Variants in TNFRSF8 observed in about 807,000 individuals in gnomAD.
TNFRSF8 encodes tumor necrosis factor receptor superfamily member 8.
Under a neutral mutation model 70.8 loss-of-function variants are expected in TNFRSF8, and 26 were observed. The observed-to-expected ratio is 0.37, with a 90% confidence interval of 0.27 to 0.51. The LOEUF (loss-of-function observed/expected upper bound fraction) is 0.51. Ranked by LOEUF, TNFRSF8 falls within the 20% of genes least tolerant of loss-of-function variation. The pLI is 0.94. For synonymous variants in TNFRSF8, 356 were observed against 339.2 expected, an observed-to-expected ratio of 1.05 and a Z score of -0.54; for missense variants, 720 against 807.9, an observed-to-expected ratio of 0.89 and a Z score of 1.32.
Position 12,141,457 on chromosome 1 carries a change from C to T in TNFRSF8, c.1544-830C>T, listed in dbSNP as rs1157215453. ...CAGACTGTGGCGAGGACCGGCCCTC[C>T]GTCCAAGCTCCCACCATGTGCTCAC... On this transcript the variant is annotated intron_variant, in intron 14 of 14. Transcript: ENST00000263932. This position sits in a 1 kb window ranked among gnomAD's most constrained non-coding sequence, Gnocchi z 5.4. 6.6e-6 allele frequency among the ~76,000 whole-genome samples: 1 copy of T among 152,260 alleles called. No individual in the cohort carries two copies. The highest frequency in any genetic ancestry group is 1.9e-4 in the East Asian group (1 of 5,202).
chr1:12,082,112 C>T (rs775236822), intron 1 of TNFRSF8, among the ~76,000 whole-genome samples: 5 of 152,284 alleles, frequency 3.3e-5, no homozygotes, highest in East Asian at 1.9e-4. Flanking sequence ...AGTGCAATGG[C>T]GTTCCCCTGT....
In TNFRSF8 at chr1:12,138,488, A is replaced by C. The variant is rs1642193647; in HGVS notation, c.1543+52A>C. The C allele has an allele frequency of 1.3e-6, 2 of 1,539,996 alleles. No homozygotes were observed. Among genetic ancestry groups the C allele is most frequent in the Admixed American group, 3.8e-5 (2 of 53,254 alleles). On this transcript the variant is annotated intron_variant, in intron 14 of 14. Transcript: ENST00000263932. This position sits in a 1 kb window ranked among gnomAD's most constrained non-coding sequence, Gnocchi z 5.7. The stretch of plus-strand genomic sequence containing the variant: ...CCTGCAGCCCAGGGGCAGATGGGAG[A>C]TGAATACGGGGCCCTGGGCCCTGGA...
intron 12 of TNFRSF8, among the ~76,000 whole-genome samples, chr1:12,130,016 T>TG (rs1642019433): frequency 6.6e-6 from 1 of 152,176 alleles, no homozygotes; most frequent in Non-Finnish European, 1.5e-5. Context: ...GCAATTCTCC[T>TG]GCTTCAGCCT....
At chr1:12,081,604 A>C (rs1641064158) in intron 1 of TNFRSF8, among the ~76,000 whole-genome samples, 1 of 152,072 alleles carries the variant, frequency 6.6e-6, no homozygotes, top group Non-Finnish European at 1.5e-5. Context: ...TATTGGGCAA[A>C]TATCACGTTC....
chr1:12,134,242 C>T (rs559717712), intron 12 of TNFRSF8, among the ~76,000 whole-genome samples: 9 of 152,134 alleles, frequency 5.9e-5, no homozygotes, highest in Admixed American at 1.3e-4. Flanking sequence ...GGCTGACATA[C>T]GGGCATCTTG....
At chr1:12,114,973 C>A (rs1277752467) in intron 7 of TNFRSF8, among the ~76,000 whole-genome samples, 1 of 151,988 alleles carries the variant, frequency 6.6e-6, no homozygotes, top group Non-Finnish European at 1.5e-5. Flanking sequence ...TCCCAAAGTG[C>A]CGGGATTACA....
intron 3 of TNFRSF8, among the ~76,000 whole-genome samples, chr1:12,103,467 A>G (rs1319686723): frequency 6.6e-6 from 1 of 152,012 alleles, no homozygotes; most frequent in African/African-American, 2.4e-5. Context: ...AATCTCCCAC[A>G]GTTTCCCCTA....
chr1:12,142,939 C>A lies in TNFRSF8; in HGVS notation c.*408C>A. On this transcript the variant is annotated 3_prime_UTR_variant, in exon 15 of 15. Coordinates refer to ENST00000263932, the MANE Select transcript of TNFRSF8 (RefSeq NM_001243.5). This position sits in a 1 kb window ranked among gnomAD's most constrained non-coding sequence, Gnocchi z 5.0. ...GGCCAGCTCCCGGGGCCCCTGTAACCCTACTCTCCTCTCTCCCTGGACCTC... is the reference window on the plus strand; with the variant it reads ...GGCCAGCTCCCGGGGCCCCTGTAACACTACTCTCCTCTCTCCCTGGACCTC... 2 of 175,862 alleles carry A rather than the reference C, an allele frequency of 1.1e-5. No homozygotes were observed. The highest frequency in any genetic ancestry group is 1.4e-4 in the South Asian group (1 of 7,316). The allele number at this position is 175,862 out of a possible 1,614,324, so 10.9% of individuals were successfully genotyped here. A position where few individuals can be genotyped will look rare whatever the true frequency, so the allele number is the denominator to read the frequency against.
In TNFRSF8 at chr1:12,115,689, C is replaced by G. The variant is rs889880271; in HGVS notation, c.906C>G (p.Pro302=). The G allele has an allele frequency of 1.2e-6, 2 of 1,614,072 alleles. No homozygotes were observed. The highest frequency in any genetic ancestry group is 2.7e-5 in the African/African-American group (2 of 74,926). ...CCAACTCCTGTGCCCGCTGTGTCCC[C>G]TACCCAATCTGTGCAGCAGAGACGG... The part of the protein sequence containing the change: ...SATNSCARCV[P]YPICAAETVT... Residue 302 remains proline, a synonymous_variant, in exon 8 of 15, where the codon CCC becomes CCG. Coordinates refer to ENST00000263932, the MANE Select transcript of TNFRSF8 (RefSeq NM_001243.5).
At chr1:12,135,194 T>G (rs894985474) in intron 12 of TNFRSF8, among the ~76,000 whole-genome samples, 3 of 151,424 alleles carry the variant, frequency 2.0e-5, no homozygotes, top group Non-Finnish European at 4.4e-5. Context: ...CACGAGCCTA[T>G]AATCCCAGCT....
At chr1:12,083,131 T>C (rs904770372) in intron 1 of TNFRSF8, among the ~76,000 whole-genome samples, 19 of 152,116 alleles carry the variant, frequency 1.2e-4, no homozygotes, top group African/African-American at 4.6e-4. Flanking sequence ...TCCAACAAGA[T>C]GGCTAAACTT....
intron 2 of TNFRSF8, among the ~76,000 whole-genome samples, chr1:12,091,623 T>C (rs1358483707): frequency 6.6e-6 from 1 of 151,976 alleles, no homozygotes; most frequent in East Asian, 1.9e-4. Flanking sequence ...TCTGGCTGGG[T>C]GTGAAGGGTT....
chr1:12,071,457 A>G (rs1640844238), intron 1 of TNFRSF8, among the ~76,000 whole-genome samples: 1 of 152,192 alleles, frequency 6.6e-6, no homozygotes, highest in African/African-American at 2.4e-5. Flanking sequence ...AAAAAAGTCT[A>G]TGATAAGGCA....
At chr1:12,118,636 A>G (rs1376259326) in intron 8 of TNFRSF8, among the ~76,000 whole-genome samples, 1 of 152,176 alleles carries the variant, frequency 6.6e-6, no homozygotes, top group Non-Finnish European at 1.5e-5. Context: ...GAAAAGGAAC[A>G]ATATGGGATC....
In TNFRSF8 at chr1:12,084,483, C is replaced by A. The variant is rs749236080; in HGVS notation, c.83C>A (p.Thr28Asn). 6.2e-7 allele frequency: 1 copy of A among 1,614,052 alleles called. No homozygotes were observed. The highest frequency in any genetic ancestry group is 8.5e-7 in the Non-Finnish European group (1 of 1,179,990). Residue 28 changes from threonine (T) to asparagine (N), a missense_variant, in exon 2 of 15, where the codon ACC (threonine) becomes AAC (asparagine). Coordinates refer to ENST00000263932, the MANE Select transcript of TNFRSF8 (RefSeq NM_001243.5). ...TGCCAGGATCGACCCTTCGAGGACA[C>A]CTGTCATGGAAACCCCAGCCACTAC... ...AFPQDRPFED[T>N]CHGNPSHYYD...
At chr1:12,081,460 T>C (rs1641061304) in intron 1 of TNFRSF8, among the ~76,000 whole-genome samples, 1 of 151,826 alleles carries the variant, frequency 6.6e-6, no homozygotes, top group Non-Finnish European at 1.5e-5. Context: ...CCTGCCCCCC[T>C]GGAGAGGCTC....
chr1:12,068,005 C>T (rs1250151768), intron 1 of TNFRSF8, among the ~76,000 whole-genome samples: 1 of 151,800 alleles, frequency 6.6e-6, no homozygotes, highest in African/African-American at 2.4e-5. Context: ...GCTCTGGGGT[C>T]AGGGAGTCGT....
chr1:12,142,663 C>G lies in TNFRSF8; in HGVS notation c.*132C>G. 4.8e-6 allele frequency: 6 copies of G among 1,252,160 alleles called. No individual in the cohort carries two copies. Among genetic ancestry groups the G allele is most frequent in the Non-Finnish European group, 6.5e-6 (6 of 925,896 alleles). The allele number at this position is 1,252,160 out of a possible 1,614,324, so 77.6% of individuals were successfully genotyped here. On this transcript the variant is annotated 3_prime_UTR_variant, in exon 15 of 15. Transcript: ENST00000263932. This position sits in a 1 kb window ranked among gnomAD's most constrained non-coding sequence, Gnocchi z 5.0. ...GAGGCTCCAGCATCTAGTGGTGGAC[C>G]GGCCGGTCACTGCAGGGGTCTGGTG...
At chr1:12,081,985 C>T (rs530820824) in intron 1 of TNFRSF8, among the ~76,000 whole-genome samples, 1 of 152,134 alleles carries the variant, frequency 6.6e-6, no homozygotes, top group African/African-American at 2.4e-5. Flanking sequence ...TGCCTCACTT[C>T]CTGCTTCCCT....
Sources: gnomAD v4.1 joint callset for allele counts (sites outside exome capture counted in the v4.1 genomes callset) on GRCh38, gnomAD v4.1.1 for gene constraint, Gnocchi (gnomAD v3.1) non-coding constraint, MANE v1.5 for transcripts, NCBI Gene and HGNC (gene_info 2026-07-23, HGNC 2026-07-21) for gene names.